MYO18B: variants seen among roughly 807,000 people sequenced by gnomAD.
MYO18B encodes unconventional myosin-XVIIIb.
A neutral mutation model predicts 273.0 loss-of-function variants in MYO18B; 204 were observed. That is an observed-to-expected ratio of 0.75 (90% confidence interval 0.67 to 0.84). The LOEUF is 0.84. Ranked by LOEUF, MYO18B falls within the 40% of genes least tolerant of loss-of-function variation. MYO18B has a pLI of 0.00. For synonymous variants in MYO18B, 1,330 were observed against 1,305.7 expected (o/e 1.02, Z -0.40); for missense variants, 3,212 against 3,287.6 (o/e 0.98, Z 0.56).
chr22:25,773,268 G>A (rs575524098), intron 7 of MYO18B, among the ~76,000 whole-genome samples: 1 of 152,258 alleles, frequency 6.6e-6, no homozygotes, highest in African/African-American at 2.4e-5. Flanking sequence ...TGCCAGGCGA[G>A]CAACCCTCCC....
intron 1 of MYO18B, among the ~76,000 whole-genome samples, chr22:25,744,490 G>A (rs961855189): frequency 1.3e-5 from 2 of 152,208 alleles, no homozygotes; most frequent in African/African-American, 4.8e-5. Context: ...CCAGCACTTT[G>A]GGAGGCCGAG....
At chr22:25,829,349 G>A (rs1253329765) in intron 15 of MYO18B, among the ~76,000 whole-genome samples, 4 of 152,106 alleles carry the variant, frequency 2.6e-5, no homozygotes, top group Non-Finnish European at 5.9e-5. Context: ...GTGGGTGGGT[G>A]GCAGCAGTGG....
intron 17 of MYO18B, among the ~76,000 whole-genome samples, chr22:25,837,144 C>G (rs1448596445): frequency 6.6e-6 from 1 of 152,064 alleles, no homozygotes; most frequent in Non-Finnish European, 1.5e-5. Context: ...ACTGTCCTAG[C>G]CCAGGAGATG....
chr22:25,775,562 C>T (rs200354257), intron 7 of MYO18B, among the ~76,000 whole-genome samples: 12 of 152,158 alleles, frequency 7.9e-5, no homozygotes, highest in African/African-American at 2.2e-4. Flanking sequence ...CCTCTTCCCT[C>T]GCTGCCAAAT....
chr22:26,041,651 A>C, the MYO18B span, among the ~76,000 whole-genome samples: 3 of 152,202 alleles, frequency 2.0e-5, no homozygotes, highest in Non-Finnish European at 4.4e-5. Context: ...TGGTTGCTGG[A>C]TACAAAATAG....
At chr22:25,911,558 G>C (rs964069523) in intron 33 of MYO18B, among the ~76,000 whole-genome samples, 4 of 152,196 alleles carry the variant, frequency 2.6e-5, no homozygotes, top group Non-Finnish European at 5.9e-5. Context: ...GTTCTCGACT[G>C]TCCATCAGTG....
At chr22:25,839,079 T>G (rs2089999478) in intron 17 of MYO18B, among the ~76,000 whole-genome samples, 1 of 151,888 alleles carries the variant, frequency 6.6e-6, no homozygotes, top group Admixed American at 6.6e-5. Flanking sequence ...TATGTATATA[T>G]GTATTAGTGT....
At chr22:25,809,506 T>TGACCC (rs1345472522) in intron 12 of MYO18B, among the ~76,000 whole-genome samples, 2 of 152,234 alleles carry the variant, frequency 1.3e-5, no homozygotes, top group East Asian at 3.8e-4. Context: ...TACTTGCTGC[T>TGACCC]GACCCATTAC....
chr22:25,872,480 G>T (rs1490744619), intron 22 of MYO18B, among the ~76,000 whole-genome samples: 1 of 152,320 alleles, frequency 6.6e-6, no homozygotes, highest in South Asian at 2.1e-4. Context: ...ACCTGCCTGA[G>T]CCAGTACATT....
chr22:25,833,361 A>C (rs2089782976), intron 16 of MYO18B, among the ~76,000 whole-genome samples: 2 of 152,160 alleles, frequency 1.3e-5, no homozygotes, highest in African/African-American at 2.4e-5. Flanking sequence ...AGATGTTTGA[A>C]TGAAGGTGCT....
At chr22:25,796,365 G>C (rs1450333775) in intron 11 of MYO18B, among the ~76,000 whole-genome samples, 1 of 151,892 alleles carries the variant, frequency 6.6e-6, no homozygotes, top group Admixed American at 6.6e-5. Flanking sequence ...TGGGAGGATT[G>C]CTTGAGTCCA....
the MYO18B span, among the ~76,000 whole-genome samples, chr22:26,061,884 G>C: frequency 8.1e-6 from 1 of 123,488 alleles, no homozygotes; most frequent in African/African-American, 3.2e-5. Context: ...AAAAATTGAT[G>C]CTGAAAAACA....
At chr22:25,758,859 A>G (rs1003376406) in intron 1 of MYO18B, among the ~76,000 whole-genome samples, 1 of 151,762 alleles carries the variant, frequency 6.6e-6, no homozygotes, top group Admixed American at 6.6e-5. Context: ...CCAGGTTCAC[A>G]CCATTCTGCC....
At chr22:25,803,146 G>C (rs1424346661) in intron 12 of MYO18B, among the ~76,000 whole-genome samples, 1 of 151,466 alleles carries the variant, frequency 6.6e-6, no homozygotes, top group Non-Finnish European at 1.5e-5. Context: ...TGTATTTTTA[G>C]TAGAGACGGG....
At chr22:25,807,856 A>C (rs1454200063) in intron 12 of MYO18B, among the ~76,000 whole-genome samples, 2 of 152,094 alleles carry the variant, frequency 1.3e-5, no homozygotes, top group East Asian at 3.9e-4. Flanking sequence ...AAGTAACTTA[A>C]GCTTTCTGAG....
chr22:25,823,734 G>T, intron 13 of MYO18B, 56 bp downstream of exon 13: 1 of 1,566,540 alleles, frequency 6.4e-7, no homozygotes, highest in Non-Finnish European at 8.7e-7. Context: ...CCAGCTCCTG[G>T]GGATACACCA....
At chr22:25,864,475 T>C (rs775024689) in intron 21 of MYO18B, among the ~76,000 whole-genome samples, 4 of 152,196 alleles carry the variant, frequency 2.6e-5, no homozygotes, top group African/African-American at 7.2e-5. Flanking sequence ...CAGGCGTGAT[T>C]ACACCATGTT....
intron 17 of MYO18B, among the ~76,000 whole-genome samples, chr22:25,838,917 CTGTGTGTGCCTG>C (rs1334464890): frequency 1.3e-5 from 2 of 151,118 alleles, no homozygotes; most frequent in African/African-American, 4.9e-5. Flanking sequence ...ATGTGTATAT[CTGTGTGTGCCTG>C]TGTGTGTGCA....
Position 25,946,187 on chromosome 22 carries a change from G to A in MYO18B, c.5568G>A (p.Val1856=), listed in dbSNP as rs183851951. The part of the protein sequence containing the change: ...KCEEALKTQK[V]LTADLESMHS... Reference sequence around the variant, plus strand: ...AGGAGGCCTTGAAGACGCAGAAGGTGCTCACAGCGGACCTGGAGAGCATGC... The same window carrying A: ...AGGAGGCCTTGAAGACGCAGAAGGTACTCACAGCGGACCTGGAGAGCATGC... Residue 1856 remains valine, a synonymous_variant, in exon 35 of 44, where the codon GTG becomes GTA. Transcript: ENST00000335473. 2.7e-5 allele frequency: 42 copies of A among 1,583,006 alleles called. No individual in the cohort carries two copies. Among genetic ancestry groups the A allele is most frequent in the Non-Finnish European group, 3.3e-5 (38 of 1,167,078 alleles).
Sources: gnomAD v4.1 joint callset for allele counts (sites outside exome capture counted in the v4.1 genomes callset) on GRCh38, gnomAD v4.1.1 for gene constraint, MANE v1.5 for transcripts, NCBI Gene and HGNC (gene_info 2026-07-23, HGNC 2026-07-21) for gene names.